Variants in RPS6KC1 observed in about 807,000 individuals in gnomAD.
RPS6KC1 encodes the protein ribosomal protein S6 kinase C1.
RPS6KC1 carries 54 observed loss-of-function variants against 103.8 expected under a neutral mutation model. The ratio of observed to expected loss-of-function variants is 0.52; its 90% CI spans 0.42 to 0.65. The LOEUF is 0.65. Ranked by LOEUF, RPS6KC1 falls within the 30% of genes least tolerant of loss-of-function variation. The pLI, the probability that RPS6KC1 is intolerant of heterozygous loss-of-function variation, is 0.00. For missense variants in RPS6KC1, 1,151 were observed against 1,253.8 expected (o/e 0.92, Z 1.24); for synonymous variants, 439 against 438.7 (o/e 1.00, Z -0.01).
At chr1:213,514,628 G>A in the RPS6KC1 span, among the ~76,000 whole-genome samples, 8 of 151,954 alleles carry the variant, frequency 5.3e-5, no homozygotes, top group East Asian at 7.7e-4. Context: ...CCAGTCTATC[G>A]TTGTTGGACA....
At chr1:213,799,400 G>C in the RPS6KC1 span, among the ~76,000 whole-genome samples, 1 of 152,176 alleles carries the variant, frequency 6.6e-6, no homozygotes, top group Non-Finnish European at 1.5e-5. Flanking sequence ...GTTGACTTGA[G>C]CCATTGGGCC....
At chr1:213,483,799 A>G in the RPS6KC1 span, among the ~76,000 whole-genome samples, 1 of 152,196 alleles carries the variant, frequency 6.6e-6, no homozygotes. Context: ...GGCTTCAAAC[A>G]AAGTCCCATA....
chr1:213,310,417 C>T, the RPS6KC1 span, among the ~76,000 whole-genome samples: 5 of 152,300 alleles, frequency 3.3e-5, no homozygotes, highest in East Asian at 5.8e-4. Context: ...TCCCTTAGCA[C>T]GCTTCCTGCT....
chr1:213,379,510 A>G, the RPS6KC1 span, among the ~76,000 whole-genome samples: 1 of 152,224 alleles, frequency 6.6e-6, no homozygotes, highest in East Asian at 1.9e-4. Context: ...CCTTAGCCCC[A>G]AGAAGGAACT....
At chr1:213,597,401 A>G in the RPS6KC1 span, among the ~76,000 whole-genome samples, 2 of 152,214 alleles carry the variant, frequency 1.3e-5, no homozygotes, top group African/African-American at 4.8e-5. Flanking sequence ...AAGTGGGGCC[A>G]TGGGCTACAT....
intron 4 of RPS6KC1, among the ~76,000 whole-genome samples, 184 bp from the exon 5 acceptor site, chr1:213,117,133 C>T (rs969776721): frequency 3.3e-5 from 5 of 152,046 alleles, no homozygotes; most frequent in Admixed American, 6.6e-5. Context: ...TGGTGTAGTA[C>T]GTTTGTTACA....
chr1:213,807,894 C>T, the RPS6KC1 span, among the ~76,000 whole-genome samples: 1 of 152,134 alleles, frequency 6.6e-6, no homozygotes, highest in African/African-American at 2.4e-5. Flanking sequence ...GTTTTTTCCC[C>T]ATCTTTGTGG....
chr1:213,570,134 G>A, the RPS6KC1 span, among the ~76,000 whole-genome samples: 1 of 152,188 alleles, frequency 6.6e-6, no homozygotes, highest in African/African-American at 2.4e-5. Context: ...ACGCAGACCT[G>A]GGAAGCCTGG....
the RPS6KC1 span, among the ~76,000 whole-genome samples, chr1:213,328,688 A>G: frequency 2.0e-5 from 3 of 151,652 alleles, no homozygotes; most frequent in South Asian, 6.3e-4. Flanking sequence ...AAGGAAAGAC[A>G]TTCTAGACAG....
chr1:213,571,649 A>T, the RPS6KC1 span, among the ~76,000 whole-genome samples: 4 of 152,226 alleles, frequency 2.6e-5, no homozygotes, highest in African/African-American at 4.8e-5. Context: ...TGACGAAGTC[A>T]AATTTGTAAG....
At chr1:213,483,705 A>T in the RPS6KC1 span, among the ~76,000 whole-genome samples, 1 of 152,282 alleles carries the variant, frequency 6.6e-6, no homozygotes, top group Non-Finnish European at 1.5e-5. Context: ...TCCTGTTAGC[A>T]TCTCTGCAGC....
chr1:213,081,421 A>T (rs1015115029), intron 3 of RPS6KC1, among the ~76,000 whole-genome samples: 4 of 152,134 alleles, frequency 2.6e-5, no homozygotes, highest in African/African-American at 9.7e-5. Flanking sequence ...AGAACCAGCA[A>T]GCCACTCATG....
the RPS6KC1 span, among the ~76,000 whole-genome samples, chr1:213,666,183 G>T: frequency 3.9e-5 from 6 of 152,132 alleles, no homozygotes. Flanking sequence ...GGTCCAGGGT[G>T]CTCTTAGGTA....
chr1:213,731,293 G>A, the RPS6KC1 span: 1 of 152,128 alleles, frequency 6.6e-6, no homozygotes, highest in Non-Finnish European at 1.5e-5. Flanking sequence ...GAATAACAAT[G>A]GTAGTTTAAT....
chr1:213,708,057 A>G, the RPS6KC1 span, among the ~76,000 whole-genome samples: 2 of 152,146 alleles, frequency 1.3e-5, no homozygotes, highest in African/African-American at 4.8e-5. Context: ...AATTTAAAGT[A>G]GTTTTTCCAA....
At chr1:213,572,349 A>G in the RPS6KC1 span, among the ~76,000 whole-genome samples, 5 of 152,246 alleles carry the variant, frequency 3.3e-5, no homozygotes, top group African/African-American at 1.2e-4. Context: ...CTGAGGGGCT[A>G]TTCCTCCCTT....
At chr1:213,421,963 C>G in the RPS6KC1 span, among the ~76,000 whole-genome samples, 1 of 152,172 alleles carries the variant, frequency 6.6e-6, no homozygotes, top group African/African-American at 2.4e-5. Flanking sequence ...CTTGCTAGAC[C>G]CCAAGTTCCT....
At chr1:213,094,893 A>G (rs1042315286) in intron 3 of RPS6KC1, among the ~76,000 whole-genome samples, 7 of 152,252 alleles carry the variant, frequency 4.6e-5, no homozygotes, top group African/African-American at 1.7e-4. Context: ...TCTGGTTACA[A>G]TGAATGACTA....
the RPS6KC1 span, among the ~76,000 whole-genome samples, chr1:213,416,425 A>G: frequency 6.6e-6 from 1 of 152,214 alleles, no homozygotes; most frequent in East Asian, 1.9e-4. Flanking sequence ...GCAAAGCTAG[A>G]TAGAGAGTGA....
Sources: allele counts gnomAD v4.1 joint callset (sites outside exome capture counted in the v4.1 genomes callset), GRCh38; gene constraint gnomAD v4.1.1; transcripts MANE v1.5; gene names NCBI Gene and HGNC (gene_info 2026-07-23, HGNC 2026-07-21).